Variants in RAD17 observed in about 807,000 individuals in gnomAD.
RAD17 encodes cell cycle checkpoint protein RAD17.
In RAD17, 31 loss-of-function variants were observed where a neutral mutation model predicts 81.5. That is an observed-to-expected ratio of 0.38 (90% CI 0.29 to 0.51). The LOEUF (loss-of-function observed/expected upper bound fraction) is 0.51, where lower values mean the gene tolerates loss of function less well. Among genes scored for constraint, RAD17 ranks in the 20% least tolerant of loss-of-function variants. RAD17 has a pLI of 0.88. For synonymous variants in RAD17, 261 were observed against 266.2 expected (o/e 0.98, Z 0.19); for missense variants, 681 against 781.2 (o/e 0.87, Z 1.53).
rs914100119 is a variant in RAD17, at chr5:69,371,451, C to A, written c.-279-3C>A. The stretch of plus-strand genomic sequence containing the variant: ...GAGGGCTTCTTCCCCCCCCCCCCCC[C>A]AGGTGAATTATAGTTTAATGTACTG... On this transcript the variant is annotated splice_polypyrimidine_tract_variant and splice_region_variant and intron_variant, in intron 2 of 18. Transcript: ENST00000354868. The A allele has an allele frequency of 2.1e-5, 5 of 232,724 alleles. No homozygotes were observed. The highest frequency in any genetic ancestry group is 9.5e-5 in the East Asian group (1 of 10,530). The allele number at this position is 232,724 out of a possible 1,614,324, so 14.4% of individuals were successfully genotyped here. A position where few individuals can be genotyped will look rare whatever the true frequency, so the allele number is the denominator to read the frequency against.
chr5:69,404,318 T>C (rs1353601814), intron 17 of RAD17, among the ~76,000 whole-genome samples: 4 of 152,138 alleles, frequency 2.6e-5, no homozygotes, highest in Admixed American at 1.3e-4. Flanking sequence ...CCAACCTACA[T>C]AATGGGAGAA....
chr5:69,372,785 A>AT (rs1763087030), intron 4 of RAD17, among the ~76,000 whole-genome samples: 1 of 151,730 alleles, frequency 6.6e-6, no homozygotes, highest in African/African-American at 2.4e-5. Flanking sequence ...CTAATTTTTT[A>AT]TTTTTTGTAG....
chr5:69,414,422 T>G lies in RAD17; in HGVS notation c.*130T>G, dbSNP rs1188151311. 4.7e-6 allele frequency: 5 copies of G among 1,064,348 alleles called. No homozygotes were observed. The highest frequency in any genetic ancestry group is 2.6e-5 in the Admixed American group (1 of 38,444). 65.9% of individuals were successfully genotyped at this position (1,064,348 alleles called of 1,614,324 possible). A position where few individuals can be genotyped will look rare whatever the true frequency, so the allele number is the denominator to read the frequency against. On this transcript the variant is annotated 3_prime_UTR_variant, in exon 19 of 19. Coordinates refer to ENST00000354868, the MANE Select transcript of RAD17 (RefSeq NM_133338.3). ...TTGTTAATTCTTCATTCTTGTAGTATTTCATCACAAGAAACCTACTCTTCT... is the reference window on the plus strand; with the variant it reads ...TTGTTAATTCTTCATTCTTGTAGTAGTTCATCACAAGAAACCTACTCTTCT...
At chr5:69,413,765 C>T (rs1766183241) in intron 18 of RAD17, among the ~76,000 whole-genome samples, 1 of 152,186 alleles carries the variant, frequency 6.6e-6, no homozygotes, top group African/African-American at 2.4e-5. Context: ...GAACTCCTGG[C>T]CTCAAGTGAT....
chr5:69,373,684 AAATTTTTTTTTT>A lies in RAD17; in HGVS notation c.10-145_10-134del, dbSNP rs1180202004. The stretch of plus-strand genomic sequence containing the variant: ...GACAGAGTGAGACCCGGTCTCAAAA[AAATTTTTTTTTT>A]TTTTTTTTTTTTTTTTTTTTAAGTT... On this transcript the variant is annotated intron_variant, in intron 4 of 18. Transcript: ENST00000354868. The A allele has an allele frequency of 1.1e-3, 561 of 491,630 alleles. 11 individuals are homozygous for A. In the African/African-American group the frequency reaches 0.018, roughly 15 times the overall value. 30.5% of individuals were successfully genotyped at this position (491,630 alleles called of 1,614,324 possible).
At chr5:69,396,927 G>T (rs951261192) in intron 16 of RAD17, among the ~76,000 whole-genome samples, 7 of 152,102 alleles carry the variant, frequency 4.6e-5, no homozygotes, top group African/African-American at 1.7e-4. Flanking sequence ...CCGCCTCCCG[G>T]GTTCAAGCAG....
chr5:69,396,384 T>C lies in RAD17; in HGVS notation c.1423-13T>C, dbSNP rs1764887210. The C allele has an allele frequency of 6.2e-7, 1 of 1,603,026 alleles. No homozygotes were observed. The highest frequency in any genetic ancestry group is 8.5e-7 in the Non-Finnish European group (1 of 1,174,146). ...TAAATCTATTTTCTTTCACATCTTG[T>C]CTCATTTGTTAGACACGCTCTTTAC... is the stretch of plus-strand genomic sequence containing the variant. On this transcript the variant is annotated splice_polypyrimidine_tract_variant and intron_variant, in intron 15 of 18. Transcript: ENST00000354868.
At chr5:69,410,994 TATAC>T (rs1489363466) in intron 18 of RAD17, among the ~76,000 whole-genome samples, 25 of 145,088 alleles carry the variant, frequency 1.7e-4, no homozygotes, top group Admixed American at 3.4e-4. Flanking sequence ...TATATATATA[TATAC>T]TGTTCATTTT....
chr5:69,405,950 G>C (rs144110211), intron 17 of RAD17, among the ~76,000 whole-genome samples: 197 of 152,050 alleles, frequency 1.3e-3, no homozygotes, highest in African/African-American at 4.7e-3. Context: ...TCTGAGGCAG[G>C]AGAATTGCTT....
chr5:69,412,486 C>T (rs774149948), intron 18 of RAD17, among the ~76,000 whole-genome samples: 2 of 152,028 alleles, frequency 1.3e-5, no homozygotes, highest in Non-Finnish European at 2.9e-5. Flanking sequence ...TCATCATGCA[C>T]TTCAAATACT....
intron 4 of RAD17, among the ~76,000 whole-genome samples, chr5:69,372,697 G>C (rs1391463839): frequency 6.6e-6 from 1 of 151,864 alleles, no homozygotes; most frequent in African/African-American, 2.4e-5. Context: ...CTGCAACCTT[G>C]ACCTCCCGCG....
chr5:69,398,868 T>TTAAA (rs535048384), intron 16 of RAD17, among the ~76,000 whole-genome samples: 1 of 109,880 alleles, frequency 9.1e-6, no homozygotes. Context: ...ATCTCCTGGT[T>TTAAA]AAAAAAAAAA....
At chr5:69,384,524 C>A (rs1764055456) in intron 7 of RAD17, among the ~76,000 whole-genome samples, 1 of 152,172 alleles carries the variant, frequency 6.6e-6, no homozygotes, top group Admixed American at 6.5e-5. Context: ...CCATGTTGCC[C>A]AGGTTGCTCT....
At chr5:69,406,177 G>C (rs1362455040) in intron 17 of RAD17, among the ~76,000 whole-genome samples, 1 of 152,058 alleles carries the variant, frequency 6.6e-6, no homozygotes, top group Non-Finnish European at 1.5e-5. Flanking sequence ...GGAAAACATG[G>C]TATATATACA....
At chr5:69,411,487 C>A (rs1765997368) in intron 18 of RAD17, among the ~76,000 whole-genome samples, 2 of 152,166 alleles carry the variant, frequency 1.3e-5, no homozygotes, top group South Asian at 4.2e-4. Context: ...ACCTCTGACT[C>A]CTCCTACCTT....
intron 13 of RAD17, 31 bp downstream of exon 13, chr5:69,392,044 T>G: frequency 7.0e-7 from 1 of 1,429,882 alleles, no homozygotes; most frequent in Non-Finnish European, 9.3e-7. Context: ...TAAAATCTGT[T>G]GGATATCACA....
At chr5:69,378,467 G>A (rs1763646391) in intron 6 of RAD17, among the ~76,000 whole-genome samples, 1 of 152,214 alleles carries the variant, frequency 6.6e-6, no homozygotes, top group South Asian at 2.1e-4. Context: ...TGAGAAAAAT[G>A]TATAATGCCT....
intron 12 of RAD17, among the ~76,000 whole-genome samples, chr5:69,390,836 C>G (rs1764509355): frequency 6.6e-6 from 1 of 151,278 alleles, no homozygotes. Context: ...TGCATGTAGT[C>G]CCGGCTACTT....
chr5:69,401,447 A>C (rs1217671044), intron 17 of RAD17, among the ~76,000 whole-genome samples: 2 of 152,114 alleles, frequency 1.3e-5, no homozygotes, highest in African/African-American at 2.4e-5. Context: ...ATTTAACCTT[A>C]TGATGGATAT....
Sources: allele counts gnomAD v4.1 joint callset (sites outside exome capture counted in the v4.1 genomes callset), GRCh38; gene constraint gnomAD v4.1.1; transcripts MANE v1.5; gene names NCBI Gene and HGNC (gene_info 2026-07-23, HGNC 2026-07-21).